AGBL4: variants seen among roughly 807,000 people sequenced by gnomAD.
AGBL4 encodes the protein AGBL carboxypeptidase 4, also known as cytosolic carboxypeptidase 6.
Under a neutral mutation model 66.4 loss-of-function variants are expected in AGBL4, and 58 were observed. The ratio of observed to expected loss-of-function variants is 0.87; its 90% CI spans 0.71 to 1.09. The LOEUF (loss-of-function observed/expected upper bound fraction) is 1.09, where lower values mean the gene tolerates loss of function less well. Among genes scored for constraint, AGBL4 ranks in the 50% least tolerant of loss-of-function variants. The probability of loss-of-function intolerance (pLI) is 0.00; values close to 1 mark genes in which losing one functional copy is unlikely to be tolerated. For missense variants in AGBL4, 579 were observed against 631.0 expected (o/e 0.92, Z 0.88); for synonymous variants, 234 against 222.9 (o/e 1.05, Z -0.44).
chr1:48,722,922 T>G (rs1026490866), intron 6 of AGBL4, among the ~76,000 whole-genome samples: 3 of 152,190 alleles, frequency 2.0e-5, no homozygotes, highest in African/African-American at 7.2e-5. Context: ...AATACTTTAC[T>G]CACATTATCT....
At chr1:49,777,827 A>G (rs1644236824) in intron 2 of AGBL4, among the ~76,000 whole-genome samples, 1 of 152,198 alleles carries the variant, frequency 6.6e-6, no homozygotes, top group Non-Finnish European at 1.5e-5. Flanking sequence ...ACTGGTAAAA[A>G]AATAAAATCA....
chr1:49,238,354 T>C (rs777178625), intron 4 of AGBL4, among the ~76,000 whole-genome samples: 3 of 152,228 alleles, frequency 2.0e-5, no homozygotes, highest in Admixed American at 2.0e-4. Flanking sequence ...TGAGGCTCTG[T>C]TCATTTTTCT....
chr1:48,829,759 A>T (rs1429503682), intron 6 of AGBL4, among the ~76,000 whole-genome samples: 1 of 151,892 alleles, frequency 6.6e-6, no homozygotes, highest in African/African-American at 2.4e-5. Flanking sequence ...TTTTTTTTAA[A>T]CTTAAAATTA....
intron 5 of AGBL4, among the ~76,000 whole-genome samples, chr1:49,022,519 A>G (rs1205524219): frequency 6.6e-6 from 1 of 152,028 alleles, no homozygotes; most frequent in East Asian, 1.9e-4. Context: ...TAAAATCCCA[A>G]ACACTTCTCT....
chr1:49,211,657 C>T (rs1390257020), intron 4 of AGBL4, among the ~76,000 whole-genome samples: 1 of 151,786 alleles, frequency 6.6e-6, no homozygotes, highest in Admixed American at 6.6e-5. Context: ...TCACACAGTC[C>T]CCCTTGGAAG....
At chr1:49,285,175 A>C (rs1452257939) in intron 3 of AGBL4, among the ~76,000 whole-genome samples, 2 of 152,260 alleles carry the variant, frequency 1.3e-5, no homozygotes, top group African/African-American at 2.4e-5. Flanking sequence ...ACTGTCTCTC[A>C]GACCACAGTG....
At chr1:48,802,313 A>G (rs952558944) in intron 6 of AGBL4, among the ~76,000 whole-genome samples, 3 of 152,120 alleles carry the variant, frequency 2.0e-5, no homozygotes, top group Non-Finnish European at 4.4e-5. Context: ...TCTCCCAGGG[A>G]GCCTTCCAGG....
At chr1:48,583,955 C>T (rs933885058) in intron 11 of AGBL4, 1 of 150,856 alleles carries the variant, frequency 6.6e-6, no homozygotes. Context: ...GTTTCCTCTT[C>T]TCATCCTCTA....
the AGBL4 span, among the ~76,000 whole-genome samples, chr1:48,526,909 T>C: frequency 6.6e-6 from 1 of 152,130 alleles, no homozygotes; most frequent in Non-Finnish European, 1.5e-5. Context: ...CATCTCTCCA[T>C]GGACCCTGGG....
intron 4 of AGBL4, among the ~76,000 whole-genome samples, chr1:49,086,046 T>C (rs1425317299): frequency 6.6e-6 from 1 of 152,138 alleles, no homozygotes; most frequent in Non-Finnish European, 1.5e-5. Context: ...CTCATTTCTA[T>C]CTGAACTCAG....
At chr1:48,966,875 T>A (rs1270333725) in intron 5 of AGBL4, among the ~76,000 whole-genome samples, 2 of 152,042 alleles carry the variant, frequency 1.3e-5, no homozygotes, top group Non-Finnish European at 2.9e-5. Context: ...AAAACTATAA[T>A]TTGCTGTTTA....
intron 6 of AGBL4, among the ~76,000 whole-genome samples, chr1:48,743,521 A>G (rs976548711): frequency 2.0e-5 from 3 of 152,204 alleles, no homozygotes; most frequent in African/African-American, 7.2e-5. Context: ...ATGGGTAAAT[A>G]AGGCCAAATG....
At chr1:49,165,235 A>G (rs1646612523) in intron 4 of AGBL4, among the ~76,000 whole-genome samples, 1 of 152,180 alleles carries the variant, frequency 6.6e-6, no homozygotes, top group African/African-American at 2.4e-5. Flanking sequence ...AGAAATTGAT[A>G]TGGATAGAAT....
At chr1:48,765,187 T>C (rs1462399752) in intron 6 of AGBL4, among the ~76,000 whole-genome samples, 1 of 152,238 alleles carries the variant, frequency 6.6e-6, no homozygotes, top group Non-Finnish European at 1.5e-5. Flanking sequence ...TCTTATCCAC[T>C]GGCGTATGAG....
intron 3 of AGBL4, among the ~76,000 whole-genome samples, chr1:49,679,029 A>T (rs997690730): frequency 2.0e-5 from 3 of 151,994 alleles, no homozygotes; most frequent in African/African-American, 7.2e-5. Context: ...TATTGGGTGG[A>T]GTGTTCTATA....
chr1:49,061,376 C>G (rs1644398772), intron 4 of AGBL4, among the ~76,000 whole-genome samples: 1 of 152,118 alleles, frequency 6.6e-6, no homozygotes, highest in Non-Finnish European at 1.5e-5. Flanking sequence ...AGTCTCCAGA[C>G]AGCAGGTGAG....
At position 49,918,618 on chromosome 1, in the gene AGBL4, C is replaced by T. The variant is rs185517724; in HGVS notation, c.35-67100G>A. ...AATAGCCTACCAACCAAAAAAAGTCCAGGACCAGATGGATTCACAGCCGAA... is the reference window on the plus strand; with the variant it reads ...AATAGCCTACCAACCAAAAAAAGTCTAGGACCAGATGGATTCACAGCCGAA... On this transcript the variant is annotated intron_variant, in intron 1 of 13. Transcript: ENST00000371839. Among the ~76,000 whole-genome samples, 317 of 152,204 alleles carry T rather than the reference C, an allele frequency of 2.1e-3. 1 individual carries two copies. Among genetic ancestry groups the T allele is most frequent in the African/African-American group, 7.4e-3 (309 of 41,534 alleles).
chr1:49,595,332 G>A (rs530293068), intron 3 of AGBL4, among the ~76,000 whole-genome samples: 2 of 152,118 alleles, frequency 1.3e-5, no homozygotes, highest in East Asian at 1.9e-4. Flanking sequence ...CTCGTGATCT[G>A]CCTGTCTCGG....
chr1:48,599,774 A>G (rs943864753), intron 9 of AGBL4, among the ~76,000 whole-genome samples: 18 of 152,230 alleles, frequency 1.2e-4, no homozygotes, highest in Non-Finnish European at 1.5e-5. Context: ...GGCTCTTCAC[A>G]GTTTGAAATG....
Sources: allele counts gnomAD v4.1 joint callset (sites outside exome capture counted in the v4.1 genomes callset), GRCh38; gene constraint gnomAD v4.1.1; transcripts MANE v1.5; gene names NCBI Gene and HGNC (gene_info 2026-07-23, HGNC 2026-07-21).